MAML3: variants seen among roughly 807,000 people sequenced by gnomAD.
The protein encoded by MAML3 is mastermind like transcriptional coactivator 3, also known as mastermind-like protein 3.
MAML3 carries 27 observed loss-of-function variants against 101.9 expected under a neutral mutation model. That is an observed-to-expected ratio of 0.27 (90% CI 0.20 to 0.37). The LOEUF is 0.37. Among genes scored for constraint, MAML3 ranks in the 10% least tolerant of loss-of-function variants. MAML3 has a pLI of 1.00. For synonymous variants in MAML3, 501 were observed against 555.9 expected, an observed-to-expected ratio of 0.90 and a Z score of 1.39; for missense variants, 1,316 against 1,444.9, an observed-to-expected ratio of 0.91 and a Z score of 1.45.
intron 1 of MAML3, among the ~76,000 whole-genome samples, chr4:140,031,295 C>T (rs17374508): frequency 0.1 from 15,257 of 152,184 alleles, 852 homozygotes; most frequent in Non-Finnish European, 0.13. Context: ...ATCATCAGAA[C>T]GTTGGACCTT....
intron 2 of MAML3, among the ~76,000 whole-genome samples, chr4:139,736,584 G>A (rs953715971): frequency 1.3e-5 from 2 of 152,144 alleles, no homozygotes; most frequent in African/African-American, 4.8e-5. Context: ...AAAGGAAATA[G>A]CTAAGAATAC....
intron 1 of MAML3, among the ~76,000 whole-genome samples, chr4:140,100,070 G>A (rs748720422): frequency 1.5e-5 from 2 of 134,668 alleles, no homozygotes; most frequent in African/African-American, 2.9e-5. Flanking sequence ...CAGCCCCCAC[G>A]TTCCAGGCAC....
At chr4:139,925,186 A>C (rs923992587) in intron 1 of MAML3, among the ~76,000 whole-genome samples, 1 of 152,060 alleles carries the variant, frequency 6.6e-6, no homozygotes, top group African/African-American at 2.4e-5. Context: ...GCAATGTGCA[A>C]GGGGTGGGAG....
intron 1 of MAML3, among the ~76,000 whole-genome samples, chr4:140,098,557 C>T (rs918045575): frequency 2.6e-5 from 4 of 152,246 alleles, no homozygotes; most frequent in Non-Finnish European, 5.9e-5. Context: ...ACCAGGACTT[C>T]TCAGGGGCTC....
chr4:139,881,352 G>A (rs1732214796), intron 2 of MAML3, among the ~76,000 whole-genome samples: 1 of 152,096 alleles, frequency 6.6e-6, no homozygotes. Flanking sequence ...ACGCCCCTCA[G>A]CATCACCACC....
At chr4:140,138,540 G>A (rs1578704986) in intron 1 of MAML3, among the ~76,000 whole-genome samples, 1 of 152,318 alleles carries the variant, frequency 6.6e-6, no homozygotes, top group South Asian at 2.1e-4. Context: ...AATAGTAAGA[G>A]AATGTTACAA....
chr4:140,139,157 C>T (rs979745918), intron 1 of MAML3, among the ~76,000 whole-genome samples: 1 of 152,028 alleles, frequency 6.6e-6, no homozygotes, highest in South Asian at 2.1e-4. Flanking sequence ...CCTGTAGTCC[C>T]AGCTACTCAG....
chr4:139,889,772 G>A lies in MAML3; in HGVS notation c.1664C>T (p.Pro555Leu). ...QAFNNQNPIV[P>L]PMANNLQKTT... ...CTTCTGCAGGTTGTTTGCCATTGGA[G>A]GCACTATAGGGTTTTGGTTGTTAAA... The change falls in exon 2 of 5, where the codon CCT becomes CTT. Residue 555 changes from proline (P) to leucine (L), a missense_variant. Physicochemically the swap from Pro to Leu is moderately conservative, Grantham distance 98. Transcript: ENST00000509479. 12 of 1,613,994 alleles carry A rather than the reference G, an allele frequency of 7.4e-6. No homozygotes were observed. Among genetic ancestry groups the A allele is most frequent in the Non-Finnish European group, 1.0e-5 (12 of 1,179,854 alleles).
intron 2 of MAML3, among the ~76,000 whole-genome samples, chr4:139,866,638 TTC>T (rs1343128577): frequency 1.3e-5 from 2 of 152,218 alleles, no homozygotes; most frequent in African/African-American, 4.8e-5. Flanking sequence ...TTATTGATTC[TTC>T]TCTCTTCCTC....
At chr4:139,855,014 A>T (rs1481160447) in intron 2 of MAML3, among the ~76,000 whole-genome samples, 3 of 152,208 alleles carry the variant, frequency 2.0e-5, no homozygotes, top group Non-Finnish European at 4.4e-5. Context: ...AAGTTTGTTT[A>T]ATCACTAATG....
At chr4:139,935,213 CTTT>C (rs576839308) in intron 1 of MAML3, among the ~76,000 whole-genome samples, 28 of 130,976 alleles carry the variant, frequency 2.1e-4, no homozygotes, top group African/African-American at 7.3e-4. Context: ...CAAGACACCT[CTTT>C]TTTTTTTTTT....
At chr4:140,070,080 C>T (rs748150698) in intron 1 of MAML3, among the ~76,000 whole-genome samples, 11 of 152,016 alleles carry the variant, frequency 7.2e-5, no homozygotes, top group Non-Finnish European at 1.6e-4. Flanking sequence ...CACACCACTG[C>T]ACTCCAGGCT....
intron 1 of MAML3, among the ~76,000 whole-genome samples, chr4:140,103,750 C>T (rs982714766): frequency 3.3e-5 from 5 of 152,174 alleles, no homozygotes; most frequent in African/African-American, 1.2e-4. Flanking sequence ...AAGATGACAT[C>T]CGTGTTGCCC....
Position 139,941,539 on chromosome 4 carries a change from T to C in MAML3, c.469-50572A>G, listed in dbSNP as rs78220138. On this transcript the variant is annotated intron_variant, in intron 1 of 4. Transcript: ENST00000509479. The stretch of plus-strand genomic sequence containing the variant: ...TAACCCTAATGTGTTGTTGTTGTTG[T>C]TGTTGGTGGTGGTGGTGGTGGTGGT... 3.4e-5 allele frequency among the ~76,000 whole-genome samples: 5 copies of C among 146,418 alleles called. No homozygotes were observed. The East Asian group carries it at 9.7e-4, about 28-fold the overall frequency.
At chr4:139,921,144 C>T (rs896988342) in intron 1 of MAML3, among the ~76,000 whole-genome samples, 6 of 152,122 alleles carry the variant, frequency 3.9e-5, no homozygotes, top group African/African-American at 1.2e-4. Flanking sequence ...CTCAGTGGGC[C>T]AGTGGCACAT....
chr4:139,767,837 A>C (rs1326738709), intron 2 of MAML3, among the ~76,000 whole-genome samples: 1 of 152,228 alleles, frequency 6.6e-6, no homozygotes, highest in African/African-American at 2.4e-5. Context: ...CTATGACTCC[A>C]AAAAGGTTAA....
intron 2 of MAML3, among the ~76,000 whole-genome samples, chr4:139,782,179 T>G (rs1467515697): frequency 6.6e-6 from 1 of 152,206 alleles, no homozygotes; most frequent in Non-Finnish European, 1.5e-5. Flanking sequence ...ATGATTTTTT[T>G]AGAGACAAGG....
chr4:139,747,989 G>A (rs1451869946), intron 2 of MAML3, among the ~76,000 whole-genome samples: 1 of 149,516 alleles, frequency 6.7e-6, no homozygotes, highest in Non-Finnish European at 1.5e-5. Flanking sequence ...GGGAGGTGGA[G>A]GTTGCAGTGA....
chr4:139,929,812 C>A (rs565409927), intron 1 of MAML3, among the ~76,000 whole-genome samples: 3 of 152,254 alleles, frequency 2.0e-5, no homozygotes, highest in African/African-American at 7.2e-5. Flanking sequence ...ACAACTTAAC[C>A]ATGTCATAGG....
Sources: gnomAD v4.1 joint callset for allele counts (sites outside exome capture counted in the v4.1 genomes callset) on GRCh38, gnomAD v4.1.1 for gene constraint, MANE v1.5 for transcripts, NCBI Gene and HGNC (gene_info 2026-07-23, HGNC 2026-07-21) for gene names.